Variants in SCIN observed in about 807,000 individuals in gnomAD.
SCIN encodes the protein scinderin.
A neutral mutation model predicts 91.8 loss-of-function variants in SCIN; 91 were observed. That is an observed-to-expected ratio of 0.99 (90% confidence interval 0.84 to 1.18). SCIN has a LOEUF of 1.18. Among genes scored for constraint, SCIN ranks in the 50% most tolerant of loss-of-function variants. The pLI is 0.00. For missense variants in SCIN, 1,087 were observed against 863.9 expected, an observed-to-expected ratio of 1.26 and a Z score of -3.24; for synonymous variants, 367 against 312.6, an observed-to-expected ratio of 1.17 and a Z score of -1.84.
rs1473273477 is a variant in SCIN at position 12,657,207 on chromosome 7, T to C, written c.*4492T>C. 7.2e-6 allele frequency: 1 copy of C among 139,058 alleles called. No homozygotes were observed. The highest frequency in any genetic ancestry group is 1.5e-5 in the Non-Finnish European group (1 of 65,290). 8.6% of individuals were successfully genotyped at this position (139,058 alleles called of 1,614,324 possible). A position where few individuals can be genotyped will look rare whatever the true frequency, so the allele number is the denominator to read the frequency against. ...TACATGTGTGTACTAAAGGATATAA[T>C]ATGATTTTTTTTTTTTTTTTTTTTT... On this transcript the variant is annotated 3_prime_UTR_variant, in exon 16 of 16. Transcript: ENST00000297029.
At chr7:12,592,755 G>T (rs1044106782) in intron 3 of SCIN, among the ~76,000 whole-genome samples, 7 of 152,124 alleles carry the variant, frequency 4.6e-5, no homozygotes, top group Non-Finnish European at 4.4e-5. Context: ...GGTGGCAAGC[G>T]GACAAGAGAT....
Position 12,646,485 on chromosome 7 carries a change from C to T in SCIN, c.1881+1780C>T, listed in dbSNP as rs1783967738. Among the ~76,000 whole-genome samples, 3 of 152,170 alleles carry T rather than the reference C, an allele frequency of 2.0e-5. No homozygotes were observed. In the South Asian group the frequency reaches 6.2e-4, roughly 32 times the overall value. ...AAAGGCCCCACCTCCTACTACCATG[C>T]CATTGGAGGCTAGGGGTTTAGCATA... On this transcript the variant is annotated intron_variant, in intron 13 of 15. Transcript: ENST00000297029.
chr7:12,622,814 A>G lies in SCIN; in HGVS notation c.680A>G (p.Lys227Arg), dbSNP rs1291992967. The stretch of plus-strand genomic sequence containing the variant: ...ACTTTTTTCCAGGTCTTAGGGGAAA[A>G]GCCAGAGCTTCCAGATGGAGGTGAT... Reference protein sequence around the residue: ...PSELIKVLGEKPELPDGGDDD... With the variant: ...PSELIKVLGERPELPDGGDDD... The change falls in exon 5 of 16, where the codon AAG becomes AGG. Residue 227 changes from lysine to arginine, a missense_variant. Lys to Arg is a conservative substitution (Grantham distance 26, BLOSUM62 2). Coordinates refer to ENST00000297029, the MANE Select transcript of SCIN (RefSeq NM_001112706.3). The G allele has an allele frequency of 1.1e-5, 17 of 1,613,044 alleles. No homozygotes were observed. Among genetic ancestry groups the G allele is most frequent in the Non-Finnish European group, 1.4e-5 (16 of 1,179,300 alleles).
intron 3 of SCIN, among the ~76,000 whole-genome samples, chr7:12,594,283 G>T (rs117960888): frequency 6.6e-6 from 1 of 151,952 alleles, no homozygotes; most frequent in Admixed American, 6.6e-5. Context: ...GAAAATCCAC[G>T]GGGTCAAAGG....
chr7:12,635,606 C>A (rs1272417760), intron 9 of SCIN, among the ~76,000 whole-genome samples: 2 of 56,108 alleles, frequency 3.6e-5, no homozygotes, highest in Non-Finnish European at 7.8e-5. Context: ...TGCAGGACTC[C>A]GTCTCAAAAA....
intron 1 of SCIN, 171 bp from the exon 2 acceptor site, chr7:12,577,893 T>C: frequency 1.7e-6 from 1 of 605,142 alleles, no homozygotes; most frequent in Non-Finnish European, 2.7e-6. Flanking sequence ...TTGTTAATTA[T>C]TAGCAAAATA....
chr7:12,626,557 T>A (rs1179553471), intron 7 of SCIN, 27 bp from the exon 8 acceptor site: 1 of 1,444,552 alleles, frequency 6.9e-7, no homozygotes, highest in Non-Finnish European at 9.4e-7. Context: ...TTTTCCTGTT[T>A]ACTATTATTA....
intron 11 of SCIN, among the ~76,000 whole-genome samples, chr7:12,642,101 A>G (rs923170233): frequency 1.3e-5 from 2 of 151,686 alleles, no homozygotes; most frequent in Non-Finnish European, 2.9e-5. Context: ...TCCATAAATT[A>G]GCAATAAATA....
At position 12,583,220 on chromosome 7, in the gene SCIN, T is replaced by C. The variant is rs187116462; in HGVS notation, c.516+1999T>C. Among the ~76,000 whole-genome samples, 20 of 152,268 alleles carry C rather than the reference T, an allele frequency of 1.3e-4. No homozygotes were observed. In the East Asian group the frequency reaches 3.9e-3, roughly 29 times the overall value. Reference sequence around the variant, plus strand: ...TCAGCTTTCTAACTATCTGCTATGATATTGGGCAACTCATTAATGTCTCTG... The same window carrying C: ...TCAGCTTTCTAACTATCTGCTATGACATTGGGCAACTCATTAATGTCTCTG... On this transcript the variant is annotated intron_variant, in intron 3 of 15. Transcript: ENST00000297029.
At chr7:12,572,644 A>G (rs760214782) in intron 1 of SCIN, among the ~76,000 whole-genome samples, 23 of 152,208 alleles carry the variant, frequency 1.5e-4, no homozygotes, top group Non-Finnish European at 2.8e-4. Flanking sequence ...CTTAACTACT[A>G]TATTTTGTAG....
intron 10 of SCIN, among the ~76,000 whole-genome samples, chr7:12,636,729 T>C (rs971853484): frequency 1.3e-5 from 2 of 152,062 alleles, no homozygotes; most frequent in African/African-American, 4.8e-5. Flanking sequence ...TTGCTAGCTT[T>C]GAGGATAGAA....
At chr7:12,630,543 A>G (rs1257110007) in intron 9 of SCIN, among the ~76,000 whole-genome samples, 1 of 152,196 alleles carries the variant, frequency 6.6e-6, no homozygotes, top group Non-Finnish European at 1.5e-5. Context: ...GTGAACCACC[A>G]CCGCACCCAG....
rs904503550 is a variant in SCIN at position 12,658,670 on chromosome 7, A to G, written c.*5955A>G. On this transcript the variant is annotated 3_prime_UTR_variant, in exon 16 of 16. Coordinates refer to ENST00000297029, the MANE Select transcript of SCIN (RefSeq NM_001112706.3). ...CCTGGTTGTACAGAAAGGTGATGCCAAGACTCTCTTGTATGATTTTCCTCT... is the reference window on the plus strand; with the variant it reads ...CCTGGTTGTACAGAAAGGTGATGCCGAGACTCTCTTGTATGATTTTCCTCT... The G allele has an allele frequency of 6.6e-6, 1 of 152,204 alleles. No homozygotes were observed. Among genetic ancestry groups the G allele is most frequent in the Admixed American group, 6.5e-5 (1 of 15,280 alleles). The allele number at this position is 152,204 out of a possible 1,614,324, so 9.4% of individuals were successfully genotyped here.
Position 12,649,366 on chromosome 7 carries a change from T to C in SCIN, c.1882-101T>C, listed in dbSNP as rs1287861912. 5.0e-6 allele frequency: 3 copies of C among 599,934 alleles called. No homozygotes were observed. In the Admixed American group the frequency reaches 1.1e-4, roughly 23 times the overall value. 37.2% of individuals were successfully genotyped at this position (599,934 alleles called of 1,614,324 possible). On this transcript the variant is annotated intron_variant, in intron 13 of 15. Coordinates refer to ENST00000297029, the MANE Select transcript of SCIN (RefSeq NM_001112706.3). ...GAAGAAAAAAATTACCACCAAATTT[T>C]ATTTTCACTATACTCAAAAAAAATA...
At chr7:12,621,405 G>T (rs1328325614) in intron 4 of SCIN, among the ~76,000 whole-genome samples, 3 of 152,058 alleles carry the variant, frequency 2.0e-5, no homozygotes, top group Non-Finnish European at 4.4e-5. Flanking sequence ...TGGGAATTGT[G>T]GTCTGAAAAT....
At position 12,644,632 on chromosome 7, in the gene SCIN, C is replaced by T. The variant is rs773694499; in HGVS notation, c.1808C>T (p.Pro603Leu). 6.2e-7 allele frequency: 1 copy of T among 1,606,170 alleles called. No individual in the cohort carries two copies. Among genetic ancestry groups the T allele is most frequent in the Non-Finnish European group, 8.5e-7 (1 of 1,176,218 alleles). Residue 603 changes from proline to leucine, a missense_variant, in exon 13 of 16, where the codon CCA (proline) becomes CTA (leucine). Coordinates refer to ENST00000297029, the MANE Select transcript of SCIN (RefSeq NM_001112706.3). Reference protein sequence around the residue: ...LGGKKDYQTSPLLETQAEDHP... With the variant: ...LGGKKDYQTSLLLETQAEDHP... ...GGGAAAAAAGACTACCAGACCTCAC[C>T]ACTACTGGAAACCCAGGCTGAAGAC...
intron 10 of SCIN, among the ~76,000 whole-genome samples, chr7:12,638,839 CT>C (rs1025622666): frequency 4.7e-4 from 71 of 152,212 alleles, no homozygotes; most frequent in African/African-American, 1.6e-3. Flanking sequence ...TGACTGAATT[CT>C]TTAAATGCAC....
rs754116058 is a variant in SCIN at position 12,652,966 on chromosome 7, G to A, written c.*251G>A. 24 of 350,986 alleles carry A rather than the reference G, an allele frequency of 6.8e-5. No homozygotes were observed. Among genetic ancestry groups the A allele is most frequent in the Non-Finnish European group, 8.8e-5 (17 of 192,644 alleles). 21.7% of individuals were successfully genotyped at this position (350,986 alleles called of 1,614,324 possible). On this transcript the variant is annotated 3_prime_UTR_variant, in exon 16 of 16. Transcript: ENST00000297029. Reference sequence around the variant, plus strand: ...AAAAATACAAAAAAATTAGCTGCGCGTGGTGGTGCACGCCTGTAGTCCCTG... The same window carrying A: ...AAAAATACAAAAAAATTAGCTGCGCATGGTGGTGCACGCCTGTAGTCCCTG...
chr7:12,603,104 G>T (rs1213988164), intron 3 of SCIN, among the ~76,000 whole-genome samples: 1 of 152,058 alleles, frequency 6.6e-6, no homozygotes. Context: ...TATTTCTGTA[G>T]TATAGATTCC....
Sources: allele counts gnomAD v4.1 joint callset (sites outside exome capture counted in the v4.1 genomes callset), GRCh38; gene constraint gnomAD v4.1.1; transcripts MANE v1.5; gene names NCBI Gene and HGNC (gene_info 2026-07-23, HGNC 2026-07-21).